PCSK5: variants seen among roughly 807,000 people sequenced by gnomAD.
The protein encoded by PCSK5 is prohormone convertase 5.
Under a neutral mutation model 233.2 loss-of-function variants are expected in PCSK5, and 129 were observed. The observed-to-expected ratio is 0.55, with a 90% CI of 0.48 to 0.64. The LOEUF (loss-of-function observed/expected upper bound fraction) is 0.64, where lower values mean the gene tolerates loss of function less well. PCSK5 is among the 30% of genes least tolerant of loss of function. The pLI is 0.00. For synonymous variants in PCSK5, 825 were observed against 879.2 expected (o/e 0.94, Z 1.09); for missense variants, 2,076 against 2,430.1 (o/e 0.85, Z 3.06).
intron 20 of PCSK5, among the ~76,000 whole-genome samples, chr9:76,217,046 G>T (rs1825560315): frequency 6.6e-6 from 1 of 151,958 alleles, no homozygotes; most frequent in Non-Finnish European, 1.5e-5. Context: ...CACCATGTTG[G>T]CCAGGCTGGT....
At chr9:76,087,554 C>T (rs1462804532) in intron 7 of PCSK5, among the ~76,000 whole-genome samples, 1 of 152,146 alleles carries the variant, frequency 6.6e-6, no homozygotes, top group East Asian at 1.9e-4. Flanking sequence ...TTATAAATGG[C>T]ACTTAAAATT....
chr9:75,938,022 T>C (rs55889015), intron 2 of PCSK5, among the ~76,000 whole-genome samples: 6,912 of 152,300 alleles, frequency 0.045, 220 homozygotes, highest in African/African-American at 0.086. Flanking sequence ...TTTCTCTTTC[T>C]TATCATCTGT....
At chr9:76,190,119 G>A (rs755475319) in intron 20 of PCSK5, among the ~76,000 whole-genome samples, 6 of 152,016 alleles carry the variant, frequency 3.9e-5, no homozygotes, top group Admixed American at 6.6e-5. Context: ...AGCACTAGAG[G>A]AATACATTTG....
chr9:76,296,037 C>T (rs1207168741), intron 26 of PCSK5, among the ~76,000 whole-genome samples: 1 of 152,184 alleles, frequency 6.6e-6, no homozygotes, highest in Non-Finnish European at 1.5e-5. Context: ...GCTCTTAACC[C>T]TCTAATGGCC....
intron 7 of PCSK5, among the ~76,000 whole-genome samples, chr9:76,090,162 C>T (rs1411251019): frequency 6.6e-6 from 1 of 152,248 alleles, no homozygotes; most frequent in Admixed American, 6.5e-5. Context: ...GTCATTATTT[C>T]CCACACTTTA....
chr9:76,103,847 A>G (rs529210717), intron 8 of PCSK5, among the ~76,000 whole-genome samples: 55 of 152,216 alleles, frequency 3.6e-4, no homozygotes, highest in African/African-American at 1.3e-3. Flanking sequence ...TCTGTTTCTG[A>G]TTTGTGTAGT....
At chr9:76,322,107 G>A (rs893142665) in intron 31 of PCSK5, among the ~76,000 whole-genome samples, 3 of 151,872 alleles carry the variant, frequency 2.0e-5, no homozygotes, top group South Asian at 2.1e-4. Context: ...GCTCCACCAC[G>A]CCGGGCTAAT....
chr9:76,093,367 T>G (rs1831378679), intron 7 of PCSK5, among the ~76,000 whole-genome samples: 1 of 152,036 alleles, frequency 6.6e-6, no homozygotes, highest in Non-Finnish European at 1.5e-5. Flanking sequence ...AGGACTAGGA[T>G]TACAGGTGTT....
intron 24 of PCSK5, 90 bp downstream of exon 24, chr9:76,240,774 C>T (rs1244926849): frequency 3.5e-6 from 3 of 858,962 alleles, no homozygotes; most frequent in Non-Finnish European, 5.8e-6. Context: ...AGCAGGCACT[C>T]TTGTCATTGC....
chr9:76,099,213 T>C (rs1831657715), intron 8 of PCSK5, among the ~76,000 whole-genome samples: 1 of 152,112 alleles, frequency 6.6e-6, no homozygotes, highest in Admixed American at 6.5e-5. Context: ...TTACCCCCAA[T>C]TGGAGAGGAA....
chr9:76,179,770 C>A, intron 15 of PCSK5, 72 bp downstream of exon 15: 2 of 1,047,892 alleles, frequency 1.9e-6, no homozygotes, highest in South Asian at 1.3e-5. Context: ...AGGCTAATAC[C>A]ATGGGGTGTG....
Position 76,354,223 on chromosome 9 carries a change from A to G in PCSK5, c.5254+4A>G. The G allele has an allele frequency of 6.4e-7, 1 of 1,566,366 alleles. No individual in the cohort carries two copies. The highest frequency in any genetic ancestry group is 8.6e-7 in the Non-Finnish European group (1 of 1,156,230). ...TGTGACTGCCAGGACACCACGGGTGAGGGAAGAGCAAGAGCAGCCTGCAGA... is the reference window on the plus strand; with the variant it reads ...TGTGACTGCCAGGACACCACGGGTGGGGGAAGAGCAAGAGCAGCCTGCAGA... On this transcript the variant is annotated splice_donor_region_variant and intron_variant, in intron 37 of 37. Coordinates refer to ENST00000674117, the MANE Select transcript of PCSK5 (RefSeq NM_001372043.1).
intron 3 of PCSK5, among the ~76,000 whole-genome samples, chr9:75,995,605 T>C: frequency 6.6e-6 from 1 of 152,164 alleles, no homozygotes; most frequent in Non-Finnish European, 1.5e-5. Flanking sequence ...TTGGTCCTCA[T>C]ATCTGGTGTA....
chr9:75,989,276 T>A (rs1826661576), intron 3 of PCSK5, among the ~76,000 whole-genome samples: 1 of 152,086 alleles, frequency 6.6e-6, no homozygotes, highest in Non-Finnish European at 1.5e-5. Context: ...CAAAACTTAG[T>A]TTTTAAAGCA....
At chr9:76,059,817 T>TA (rs1050106514) in intron 5 of PCSK5, among the ~76,000 whole-genome samples, 1 of 151,956 alleles carries the variant, frequency 6.6e-6, no homozygotes, top group African/African-American at 2.4e-5. Context: ...TCCTACAGGA[T>TA]AAAAAAACGT....
At chr9:76,273,963 G>GT (rs533900337) in intron 24 of PCSK5, among the ~76,000 whole-genome samples, 303 of 142,058 alleles carry the variant, frequency 2.1e-3, no homozygotes, top group East Asian at 5.3e-3. Flanking sequence ...GGTGGGTTTT[G>GT]TTTTTTTTTT....
In PCSK5 at chr9:75,891,504, C is replaced by T. The variant is rs920994948; in HGVS notation, c.192+131C>T. 2.0e-5 allele frequency: 14 copies of T among 701,666 alleles called. No individual in the cohort carries two copies. The East Asian group carries it at 2.3e-4, about 11-fold the overall frequency. 43.5% of individuals were successfully genotyped at this position (701,666 alleles called of 1,614,324 possible). A position where few individuals can be genotyped will look rare whatever the true frequency, so the allele number is the denominator to read the frequency against. Reference sequence around the variant, plus strand: ...CTGTTGCCCTAACTCTTGGGCGATGCTCTGTCTCCTGCGCGCGCGCGCGTA... The same window carrying T: ...CTGTTGCCCTAACTCTTGGGCGATGTTCTGTCTCCTGCGCGCGCGCGCGTA... On this transcript the variant is annotated intron_variant, in intron 1 of 37. Transcript: ENST00000674117.
intron 20 of PCSK5, chr9:76,193,955 G>A (rs757566353): frequency 6.6e-6 from 1 of 152,512 alleles, no homozygotes; most frequent in Non-Finnish European, 1.5e-5. Flanking sequence ...TTTACTTCAT[G>A]CTGTGTACTT....
intron 1 of PCSK5, among the ~76,000 whole-genome samples, chr9:75,905,595 G>T (rs1826228553): frequency 6.6e-6 from 1 of 152,154 alleles, no homozygotes; most frequent in African/African-American, 2.4e-5. Flanking sequence ...CTGCTTGAAA[G>T]CAGGGATCCC....
Sources: gnomAD v4.1 joint callset for allele counts (sites outside exome capture counted in the v4.1 genomes callset) on GRCh38, gnomAD v4.1.1 for gene constraint, MANE v1.5 for transcripts, NCBI Gene and HGNC (gene_info 2026-07-23, HGNC 2026-07-21) for gene names.